MAP2K4: variants seen among roughly 807,000 people sequenced by gnomAD.
MAP2K4 encodes dual specificity mitogen-activated protein kinase kinase 4.
MAP2K4 carries 4 observed loss-of-function variants against 48.5 expected under a neutral mutation model. The observed-to-expected ratio is 0.08, with a 90% CI of 0.04 to 0.19. The LOEUF (loss-of-function observed/expected upper bound fraction) is 0.19. Ranked by LOEUF, MAP2K4 falls within the 10% of genes least tolerant of loss-of-function variation. The probability of loss-of-function intolerance (pLI) is 1.00; values close to 1 mark genes in which losing one functional copy is unlikely to be tolerated. For synonymous variants in MAP2K4, 166 were observed against 173.1 expected (o/e 0.96, Z 0.32); for missense variants, 258 against 493.3 (o/e 0.52, Z 4.52).
intron 1 of MAP2K4, among the ~76,000 whole-genome samples, chr17:12,054,446 A>G (rs867333627): frequency 1.3e-5 from 2 of 152,098 alleles, no homozygotes; most frequent in Admixed American, 6.5e-5. Flanking sequence ...GTTTTTAGCA[A>G]ATTTTTCAGA....
At chr17:12,097,218 T>G (rs538820630) in intron 4 of MAP2K4, among the ~76,000 whole-genome samples, 1 of 152,342 alleles carries the variant, frequency 6.6e-6, no homozygotes, top group Admixed American at 6.5e-5. Flanking sequence ...GTTAATTAGT[T>G]AATTAGGGAC....
intron 2 of MAP2K4, among the ~76,000 whole-genome samples, chr17:12,074,562 C>G (rs1970932220): frequency 1.3e-5 from 2 of 152,204 alleles, no homozygotes; most frequent in Non-Finnish European, 2.9e-5. Context: ...TTGTATGAGC[C>G]TGGGTATCAT....
At chr17:12,035,721 G>A (rs1437759539) in intron 1 of MAP2K4, among the ~76,000 whole-genome samples, 1 of 152,064 alleles carries the variant, frequency 6.6e-6, no homozygotes, top group Non-Finnish European at 1.5e-5. Context: ...GTTGTAGGAG[G>A]GTATGGGGCA....
At chr17:12,116,203 T>C (rs1422824636) in intron 7 of MAP2K4, among the ~76,000 whole-genome samples, 2 of 152,216 alleles carry the variant, frequency 1.3e-5, no homozygotes, top group Non-Finnish European at 2.9e-5. Flanking sequence ...TTTTCCATAC[T>C]TTATACTTTT....
At chr17:12,028,439 C>T (rs1598015393) in intron 1 of MAP2K4, among the ~76,000 whole-genome samples, 1 of 152,132 alleles carries the variant, frequency 6.6e-6, no homozygotes, top group Admixed American at 6.5e-5. Flanking sequence ...GGAAATAAAT[C>T]TTGGGGAACT....
rs185044757 is a variant in MAP2K4, at chr17:12,118,615, C to T, written c.813+5255C>T. 2.2e-3 allele frequency among the ~76,000 whole-genome samples: 329 copies of T among 152,272 alleles called. 1 individual carries two copies. Among genetic ancestry groups the T allele is most frequent in the African/African-American group, 7.1e-3 (294 of 41,542 alleles). On this transcript the variant is annotated intron_variant, in intron 7 of 10. Transcript: ENST00000353533. ...TTCTCATAAAAAATAATGTTTATGC[C>T]ATGTACTTTCACCCAAATGCGACTT...
intron 4 of MAP2K4, among the ~76,000 whole-genome samples, chr17:12,097,045 G>C (rs562382441): frequency 2.0e-5 from 3 of 151,988 alleles, no homozygotes; most frequent in Non-Finnish European, 4.4e-5. Context: ...ATGTATTCAT[G>C]TGCATGACTG....
At chr17:12,032,314 TATG>T (rs1416058271) in intron 1 of MAP2K4, 1 of 1,319,996 alleles carries the variant, frequency 7.6e-7, no homozygotes, top group Non-Finnish European at 1.0e-6. Context: ...CTACAAATTT[TATG>T]ATATTATGCT....
chr17:12,064,021 GGA>G (rs34670472), intron 2 of MAP2K4, among the ~76,000 whole-genome samples: 201 of 93,492 alleles, frequency 2.1e-3, no homozygotes, highest in Non-Finnish European at 2.7e-3. Flanking sequence ...GGGAAGGGGG[GGA>G]GAGAGAGAGA....
intron 2 of MAP2K4, among the ~76,000 whole-genome samples, chr17:12,068,658 T>C: frequency 6.6e-6 from 1 of 151,990 alleles, no homozygotes. Context: ...CATCTGTAAA[T>C]AGGGGTCATA....
intron 4 of MAP2K4, among the ~76,000 whole-genome samples, chr17:12,097,072 A>G (rs1055692567): frequency 6.6e-6 from 1 of 152,204 alleles, no homozygotes; most frequent in Non-Finnish European, 1.5e-5. Context: ...GGACCTAAAT[A>G]TTATGTAATG....
intron 2 of MAP2K4, among the ~76,000 whole-genome samples, chr17:12,080,731 G>A (rs1014626580): frequency 6.6e-6 from 1 of 152,134 alleles, no homozygotes; most frequent in Non-Finnish European, 1.5e-5. Flanking sequence ...GTATACTAAG[G>A]CACTAGTTCC....
intron 9 of MAP2K4, among the ~76,000 whole-genome samples, chr17:12,137,009 C>T (rs966585167): frequency 4.6e-5 from 7 of 152,126 alleles, no homozygotes; most frequent in Non-Finnish European, 1.0e-4. Flanking sequence ...GGTTTTGCAA[C>T]CAGAGGACTG....
At chr17:12,042,662 CTG>C (rs1004106467) in intron 1 of MAP2K4, among the ~76,000 whole-genome samples, 3 of 125,144 alleles carry the variant, frequency 2.4e-5, no homozygotes, top group African/African-American at 8.4e-5. Context: ...AAACAAAAAA[CTG>C]TGATTCACTA....
intron 3 of MAP2K4, among the ~76,000 whole-genome samples, chr17:12,092,019 A>C (rs1179540517): frequency 6.6e-6 from 1 of 152,140 alleles, no homozygotes. Context: ...AAGTAGTGTT[A>C]AGTAAAAGAG....
chr17:12,028,845 G>C (rs1184763327), intron 1 of MAP2K4, among the ~76,000 whole-genome samples: 1 of 152,136 alleles, frequency 6.6e-6, no homozygotes, highest in Non-Finnish European at 1.5e-5. Context: ...TGGGAATGGA[G>C]ATAACTACAA....
In MAP2K4 at chr17:12,092,748, C is replaced by T. The variant is rs558894756; in HGVS notation, c.394-2827C>T. Among the ~76,000 whole-genome samples, 7 of 152,104 alleles carry T rather than the reference C, an allele frequency of 4.6e-5. No homozygotes were observed. In the East Asian group the frequency reaches 7.7e-4, roughly 17 times the overall value. On this transcript the variant is annotated intron_variant, in intron 3 of 10. Coordinates refer to ENST00000353533, the MANE Select transcript of MAP2K4 (RefSeq NM_003010.4). ...TTAGTATAATTAAGAGTTAGCAGGT[C>T]GGTCACAGTGGCTCACGCCTGTAAT... is the stretch of plus-strand genomic sequence containing the variant.
chr17:12,034,250 A>G (rs1256461461), intron 1 of MAP2K4, among the ~76,000 whole-genome samples: 2 of 152,264 alleles, frequency 1.3e-5, no homozygotes, highest in South Asian at 2.1e-4. Flanking sequence ...TGAATCTTCT[A>G]AATGGCTCTG....
At chr17:12,104,013 A>G (rs1029516229) in intron 4 of MAP2K4, among the ~76,000 whole-genome samples, 5 of 152,212 alleles carry the variant, frequency 3.3e-5, no homozygotes, top group Non-Finnish European at 7.3e-5. Flanking sequence ...CTTAGGTTAC[A>G]GATTATTTAG....
Sources: gnomAD v4.1 joint callset for allele counts (sites outside exome capture counted in the v4.1 genomes callset) on GRCh38, gnomAD v4.1.1 for gene constraint, MANE v1.5 for transcripts, NCBI Gene and HGNC (gene_info 2026-07-23, HGNC 2026-07-21) for gene names.